The following MEGF10 variants were observed in gnomAD, a reference collection of about 807,000 sequenced individuals.
The protein encoded by MEGF10 is multiple epidermal growth factor-like domains protein 10.
A neutral mutation model predicts 147.5 loss-of-function variants in MEGF10; 86 were observed. The ratio of observed to expected loss-of-function variants is 0.58; its 90% confidence interval spans 0.49 to 0.70. The LOEUF (loss-of-function observed/expected upper bound fraction) is 0.70. Among genes scored for constraint, MEGF10 ranks in the 30% least tolerant of loss-of-function variants. MEGF10 has a pLI of 0.00. For missense variants in MEGF10, 1,329 were observed against 1,487.3 expected (o/e 0.89, Z 1.75); for synonymous variants, 478 against 525.5 (o/e 0.91, Z 1.24).
At chr5:127,255,742 C>T in the MEGF10 span, among the ~76,000 whole-genome samples, 1 of 152,182 alleles carries the variant, frequency 6.6e-6, no homozygotes, top group Non-Finnish European at 1.5e-5. Context: ...TGAATCCATC[C>T]TTCCACTCCA....
chr5:127,435,245 T>A, intron 15 of MEGF10, 116 bp from the exon 16 acceptor site: 1 of 1,209,062 alleles, frequency 8.3e-7, no homozygotes. Flanking sequence ...TGAGCAGAGA[T>A]AGCTACCAAT....
intron 22 of MEGF10, 112 bp from the exon 23 acceptor site, chr5:127,454,454 A>AGCCTGGTTGTTT: frequency 1.2e-6 from 1 of 835,434 alleles, no homozygotes; most frequent in East Asian, 2.6e-5. Context: ...GAAGAGCAGC[A>AGCCTGGTTGTTT]GCCTGGTTGT....
At chr5:127,447,739 C>T in intron 21 of MEGF10, 55 bp downstream of exon 21, 1 of 1,608,672 alleles carries the variant, frequency 6.2e-7, no homozygotes. Flanking sequence ...AGGAAGGGAA[C>T]CAGCATTTAT....
intron 1 of MEGF10, among the ~76,000 whole-genome samples, chr5:127,304,986 G>A (rs568856402): frequency 1.3e-5 from 2 of 152,178 alleles, no homozygotes; most frequent in Non-Finnish European, 2.9e-5. Context: ...AACAGCCTGA[G>A]CAGACGAAAA....
chr5:127,273,571 C>G, the MEGF10 span, among the ~76,000 whole-genome samples: 1 of 152,202 alleles, frequency 6.6e-6, no homozygotes, highest in African/African-American at 2.4e-5. Flanking sequence ...AGAATAACTG[C>G]ACTACTTATG....
At chr5:127,270,207 G>A in the MEGF10 span, among the ~76,000 whole-genome samples, 1 of 152,136 alleles carries the variant, frequency 6.6e-6, no homozygotes, top group Non-Finnish European at 1.5e-5. Flanking sequence ...ACATCATAAT[G>A]ACAGGATCAA....
At chr5:127,257,921 C>A in the MEGF10 span, among the ~76,000 whole-genome samples, 1 of 152,130 alleles carries the variant, frequency 6.6e-6, no homozygotes, top group Admixed American at 6.6e-5. Flanking sequence ...TATTTTTTCA[C>A]ATTTATTAAA....
intron 18 of MEGF10, 124 bp from the exon 19 acceptor site, chr5:127,442,874 C>A (rs948355810): frequency 3.1e-6 from 3 of 981,690 alleles, no homozygotes; most frequent in East Asian, 5.2e-5. Flanking sequence ...CTTGGGGGTA[C>A]AAGTCAGCCT....
chr5:127,454,449 G>A (rs983113531), intron 22 of MEGF10, 117 bp from the exon 23 acceptor site: 8 of 793,736 alleles, frequency 1.0e-5, no homozygotes, highest in African/African-American at 1.8e-5. Context: ...GGCTTGAAGA[G>A]CAGCAGCCTG....
the MEGF10 span, among the ~76,000 whole-genome samples, chr5:127,259,556 C>T: frequency 6.6e-6 from 1 of 152,144 alleles, no homozygotes; most frequent in African/African-American, 2.4e-5. Flanking sequence ...ATATAATGTC[C>T]ACATTCCTAC....
At chr5:127,450,086 T>C (rs1407630790) in intron 22 of MEGF10, among the ~76,000 whole-genome samples, 1 of 152,266 alleles carries the variant, frequency 6.6e-6, no homozygotes, top group African/African-American at 2.4e-5. Flanking sequence ...TAATAGAAGA[T>C]AGCTGGATTA....
rs1426600414 is a variant in MEGF10, at chr5:127,391,102, G to GCGCACA, written c.413-5429_413-5428insGCACAC. ...CATACACACATGCGCGCGCGCGCGC[G>GCGCACA]CACACACACACACACACACACACAC... On this transcript the variant is annotated intron_variant, in intron 5 of 24. Coordinates refer to ENST00000503335, the MANE Select transcript of MEGF10 (RefSeq NM_001256545.2). Among the ~76,000 whole-genome samples, 98 of 53,908 alleles carry GCGCACA rather than the reference G, an allele frequency of 1.8e-3. 1 individual carries two copies. Among genetic ancestry groups the GCGCACA allele is most frequent in the South Asian group, 6.5e-3 (11 of 1,698 alleles). 35.4% of individuals were successfully genotyped at this position (53,908 alleles called of 152,430 possible). A position where few individuals can be genotyped will look rare whatever the true frequency, so the allele number is the denominator to read the frequency against.
At chr5:127,350,133 C>T (rs867375088) in intron 4 of MEGF10, among the ~76,000 whole-genome samples, 1 of 152,128 alleles carries the variant, frequency 6.6e-6, no homozygotes, top group African/African-American at 2.4e-5. Flanking sequence ...CTTGTTCACT[C>T]TCTTCCACTT....
chr5:127,231,499 C>T, the MEGF10 span, among the ~76,000 whole-genome samples: 1 of 152,224 alleles, frequency 6.6e-6, no homozygotes, highest in African/African-American at 2.4e-5. Flanking sequence ...CAGCTGCACT[C>T]CAAGTGACCC....
At chr5:127,448,781 C>T (rs567688403) in intron 21 of MEGF10, among the ~76,000 whole-genome samples, 12 of 151,250 alleles carry the variant, frequency 7.9e-5, no homozygotes, top group African/African-American at 2.2e-4. Flanking sequence ...AGAACTTAGA[C>T]CAAGAGTTCT....
intron 1 of MEGF10, among the ~76,000 whole-genome samples, chr5:127,319,781 T>C (rs924663529): frequency 2.0e-5 from 3 of 152,212 alleles, no homozygotes; most frequent in East Asian, 3.8e-4. Context: ...CTAGGGCCAA[T>C]TATCTCTATA....
chr5:127,275,876 A>C, the MEGF10 span, among the ~76,000 whole-genome samples: 2 of 152,148 alleles, frequency 1.3e-5, no homozygotes, highest in African/African-American at 4.8e-5. Flanking sequence ...TGAAGAAAGC[A>C]ATTTGAAATT....
intron 5 of MEGF10, among the ~76,000 whole-genome samples, chr5:127,375,804 G>A (rs1763003253): frequency 6.6e-6 from 1 of 152,228 alleles, no homozygotes; most frequent in South Asian, 2.1e-4. Context: ...TTGGAGCACA[G>A]TAAAACTTCC....
At chr5:127,266,262 T>C in the MEGF10 span, among the ~76,000 whole-genome samples, 1 of 151,886 alleles carries the variant, frequency 6.6e-6, no homozygotes, top group African/African-American at 2.4e-5. Flanking sequence ...AGGCCTCTCT[T>C]CTGTTCCATT....
Sources: gnomAD v4.1 joint callset for allele counts (sites outside exome capture counted in the v4.1 genomes callset) on GRCh38, gnomAD v4.1.1 for gene constraint, MANE v1.5 for transcripts, NCBI Gene and HGNC (gene_info 2026-07-23, HGNC 2026-07-21) for gene names.